ZNF211: variants seen among roughly 807,000 people sequenced by gnomAD.
ZNF211 encodes the protein zinc finger protein C2H2-25.
ZNF211 carries 18 observed loss-of-function variants against 12.1 expected under a neutral mutation model. The ratio of observed to expected loss-of-function variants is 1.48; its 90% confidence interval spans 1.03 to 2.20. The LOEUF is 2.20. Ranked by LOEUF, ZNF211 falls within the 30% of genes most tolerant of loss-of-function variation. ZNF211 has a pLI of 0.00. For synonymous variants in ZNF211, 249 were observed against 246.0 expected (o/e 1.01, Z -0.11); for missense variants, 677 against 703.1 (o/e 0.96, Z 0.42).
At chr19:57,633,699 A>C in intron 1 of ZNF211, 1 of 1,533,734 alleles carries the variant, frequency 6.5e-7, no homozygotes, top group Non-Finnish European at 8.7e-7. Context: ...AGAGAGATCT[A>C]CCTTTATTCT....
rs150396049 is a variant in ZNF211 at position 57,642,052 on chromosome 19, T to C, written c.1605T>C (p.Ser535=). 4,676 of 1,614,120 alleles carry C rather than the reference T, an allele frequency of 2.9e-3. 12 individuals are homozygous for C. The highest frequency in any genetic ancestry group is 3.6e-3 in the Non-Finnish European group (4,227 of 1,179,986). ...GTGGGAAATCCTTTAGCCAAAGTTC[T>C]AGCCTCATTCAACACCGCAGAGTTC... ...SECGKSFSQS[S]SLIQHRRVHT... The change falls in exon 4 of 4, where the codon TCT becomes TCC. Residue 535 remains serine (S), a synonymous_variant. Transcript: ENST00000240731.
chr19:57,635,018 C>A (rs117686837), intron 3 of ZNF211: 8 of 959,236 alleles, frequency 8.3e-6, no homozygotes, highest in Non-Finnish European at 9.9e-6. Flanking sequence ...TGGTGACTTT[C>A]TAGATCTATG....
intron 3 of ZNF211, among the ~76,000 whole-genome samples, chr19:57,635,951 C>G (rs1339057258): frequency 6.6e-6 from 1 of 152,162 alleles, no homozygotes; most frequent in Non-Finnish European, 1.5e-5. Context: ...TGATATCTCA[C>G]TGTGGTTGTG....
At chr19:57,640,575 C>G (rs746626815) in intron 3 of ZNF211, 129 bp from the exon 4 acceptor site, 6 of 1,217,846 alleles carry the variant, frequency 4.9e-6, no homozygotes, top group Non-Finnish European at 6.7e-6. Flanking sequence ...CAACCTGACC[C>G]CCCAACTCAC....
chr19:57,642,851 T>G lies in ZNF211; in HGVS notation c.*670T>G, dbSNP rs1450168045. 2.6e-5 allele frequency: 4 copies of G among 152,220 alleles called. No homozygotes were observed. The East Asian group carries it at 7.7e-4, about 29-fold the overall frequency. 9.4% of individuals were successfully genotyped at this position (152,220 alleles called of 1,614,324 possible). A position where few individuals can be genotyped will look rare whatever the true frequency, so the allele number is the denominator to read the frequency against. ...TGCCAGCTTTACAGAGTAAACACCT[T>G]TGGAGGGAGAGGGAGGTGTCATATG... On this transcript the variant is annotated 3_prime_UTR_variant, in exon 4 of 4. Transcript: ENST00000240731.
At chr19:57,639,782 A>C in intron 3 of ZNF211, 1 of 1,019,406 alleles carries the variant, frequency 9.8e-7, no homozygotes, top group Non-Finnish European at 1.4e-6. Flanking sequence ...GATTACATTT[A>C]ACATCCTAAA....
chr19:57,633,460 TC>T (rs1210276050), intron 1 of ZNF211, 24 bp downstream of exon 1: 6 of 1,574,466 alleles, frequency 3.8e-6, no homozygotes, highest in South Asian at 1.2e-5. Flanking sequence ...TCTCCGGGCC[TC>T]CCCCGGCCGA....
chr19:57,635,649 A>G (rs1198053229), intron 3 of ZNF211, among the ~76,000 whole-genome samples: 2 of 152,182 alleles, frequency 1.3e-5, no homozygotes, highest in East Asian at 1.9e-4. Flanking sequence ...CAGTGGACAC[A>G]GGTTGTTTTC....
Position 57,642,215 on chromosome 19 carries a change from A to G in ZNF211, c.*34A>G. The stretch of plus-strand genomic sequence containing the variant: ...AGAATATGCAATTTCCTTTTAGTGT[A>G]ATTATACTGAAGGAGTACACCTGTG... On this transcript the variant is annotated 3_prime_UTR_variant, in exon 4 of 4. Coordinates refer to ENST00000240731, the MANE Select transcript of ZNF211 (RefSeq NM_006385.5). The G allele has an allele frequency of 6.4e-7, 1 of 1,552,218 alleles. No individual in the cohort carries two copies. The highest frequency in any genetic ancestry group is 1.2e-5 in the South Asian group (1 of 81,020).
Position 57,636,029 on chromosome 19 carries a change from T to C in ZNF211, c.256+1274T>C, listed in dbSNP as rs779384224. Among the ~76,000 whole-genome samples the C allele has an allele frequency of 2.6e-5, 4 of 152,354 alleles. No homozygotes were observed. In the South Asian group the frequency reaches 8.3e-4, roughly 32 times the overall value. On this transcript the variant is annotated intron_variant, in intron 3 of 3. Transcript: ENST00000240731. ...TGGCTATTTGTATATCTTCAAATGA[T>C]ATTGCTTATTCAAGTCCTTTGCCTA...
chr19:57,640,739 T>A lies in ZNF211; in HGVS notation c.292T>A (p.Ser98Thr), dbSNP rs775564060. Residue 98 changes from serine (S) to threonine (T), a missense_variant, in exon 4 of 4, where the codon TCT (serine) becomes ACT (threonine). Ser to Thr is a moderately conservative substitution (Grantham distance 58, BLOSUM62 1). Transcript: ENST00000240731. ...TGGAGTGGAACATGAGGAAACACCT[T>A]CTGAACAGAGAATTTCTGGAGAAAG... ...WCGVEHEETP[S>T]EQRISGERVP... 10 of 1,614,122 alleles carry A rather than the reference T, an allele frequency of 6.2e-6. No individual in the cohort carries two copies. Among genetic ancestry groups the A allele is most frequent in the Non-Finnish European group, 6.8e-6 (8 of 1,180,042 alleles).
chr19:57,641,293 A>G lies in ZNF211; in HGVS notation c.846A>G (p.Arg282=). 6.2e-7 allele frequency: 1 copy of G among 1,614,208 alleles called. No individual in the cohort carries two copies. Residue 282 remains arginine, a synonymous_variant, in exon 4 of 4, where the codon AGA becomes AGG. Coordinates refer to ENST00000240731, the MANE Select transcript of ZNF211 (RefSeq NM_006385.5). ...AATGTGGGAAAGCATGTACGCGAAGATGTAACCTCATTCAGCACCAGAAAG... is the reference window on the plus strand; with the variant it reads ...AATGTGGGAAAGCATGTACGCGAAGGTGTAACCTCATTCAGCACCAGAAAG... ...CSKCGKACTR[R]CNLIQHQKVH...
Position 57,634,706 on chromosome 19 carries a change from C to T in ZNF211, c.207C>T (p.His69=), listed in dbSNP as rs1981913901. 13 of 1,608,192 alleles carry T rather than the reference C, an allele frequency of 8.1e-6. No homozygotes were observed. Among genetic ancestry groups the T allele is most frequent in the Middle Eastern group, 3.3e-4 (2 of 6,056 alleles). ...EWDLLDEAQK[H]LYFDVMLENF... is the part of the protein sequence containing the mutation. The stretch of plus-strand genomic sequence containing the variant: ...ATCTCCTTGATGAGGCTCAGAAACA[C>T]CTGTACTTCGATGTGATGCTGGAGA... The change falls in exon 3 of 4, where the codon CAC becomes CAT. Residue 69 remains histidine, a synonymous_variant. Coordinates refer to ENST00000240731, the MANE Select transcript of ZNF211 (RefSeq NM_006385.5).
At position 57,640,984 on chromosome 19, in the gene ZNF211, T is replaced by C. The variant is rs757305164; in HGVS notation, c.537T>C (p.Tyr179=). Residue 179 remains tyrosine, a synonymous_variant, in exon 4 of 4, where the codon TAT becomes TAC. Coordinates refer to ENST00000240731, the MANE Select transcript of ZNF211 (RefSeq NM_006385.5). ...TTACAGAGGCACCTTTCAGAAGTTA[T>C]GTGGACACTGCCTCGTTTACACAGA... ...QHITEAPFRS[Y]VDTASFTQSC... is the part of the protein sequence containing the mutation. 6 of 1,614,126 alleles carry C rather than the reference T, an allele frequency of 3.7e-6. No individual in the cohort carries two copies. In the African/African-American group the frequency reaches 6.7e-5, roughly 18 times the overall value.
Position 57,641,869 on chromosome 19 carries a change from C to A in ZNF211, c.1422C>A (p.Ser474=). 6.2e-7 allele frequency: 1 copy of A among 1,613,798 alleles called. No individual in the cohort carries two copies. The highest frequency in any genetic ancestry group is 8.5e-7 in the Non-Finnish European group (1 of 1,179,952). ...RPYVCGECGK[S]FSHSSNLKNH... is the part of the protein sequence containing the mutation. ...ATGTGTGTGGGGAATGTGGGAAATCCTTTAGCCATAGCTCCAACCTTAAGA... is the reference window on the plus strand; with the variant it reads ...ATGTGTGTGGGGAATGTGGGAAATCATTTAGCCATAGCTCCAACCTTAAGA... The change falls in exon 4 of 4, where the codon TCC becomes TCA. Residue 474 remains serine, a synonymous_variant. Transcript: ENST00000240731.
rs754604595 is a variant in ZNF211, at chr19:57,634,631, A to C, written c.132A>C (p.Gly44=). 1 of 1,581,588 alleles carries C rather than the reference A, an allele frequency of 6.3e-7. No individual in the cohort carries two copies. The highest frequency in any genetic ancestry group is 8.6e-7 in the Non-Finnish European group (1 of 1,163,692). ...TTCATCAATCCCTATTATGCTAGGG[A>C]AGTGTGACCTTTGAAGATGTGGCCG... ...ATEVLFKLTQ[G]SVTFEDVAVY... Residue 44 remains glycine, a splice_region_variant and synonymous_variant, in exon 3 of 4, where the codon GGA becomes GGC. Coordinates refer to ENST00000240731, the MANE Select transcript of ZNF211 (RefSeq NM_006385.5).
In ZNF211 at chr19:57,641,877, A is replaced by G; in HGVS notation, c.1430A>G (p.His477Arg). 1 of 1,614,182 alleles carries G rather than the reference A, an allele frequency of 6.2e-7. No individual in the cohort carries two copies. The highest frequency in any genetic ancestry group is 8.5e-7 in the Non-Finnish European group (1 of 1,180,034). The change falls in exon 4 of 4, where the codon CAT becomes CGT. Residue 477 changes from histidine to arginine, a missense_variant. His to Arg is a conservative substitution (Grantham distance 29). Transcript: ENST00000240731. ...VCGECGKSFS[H>R]SSNLKNHQRV... The stretch of plus-strand genomic sequence containing the variant: ...GGGGAATGTGGGAAATCCTTTAGCC[A>G]TAGCTCCAACCTTAAGAACCACCAG...
intron 3 of ZNF211, among the ~76,000 whole-genome samples, chr19:57,639,386 C>CTTAATT (rs149808523): frequency 0.13 from 9,441 of 74,398 alleles, 1,371 homozygotes; most frequent in East Asian, 0.26. Flanking sequence ...AGTGAAACTT[C>CTTAATT]CCTTGTCATT....
chr19:57,635,011 T>G, intron 3 of ZNF211: 9 of 973,214 alleles, frequency 9.2e-6, no homozygotes, highest in Non-Finnish European at 1.1e-5. Context: ...CCCTGTCTGG[T>G]GACTTTCTAG....
Sources: gnomAD v4.1 joint callset for allele counts (sites outside exome capture counted in the v4.1 genomes callset) on GRCh38, gnomAD v4.1.1 for gene constraint, MANE v1.5 for transcripts, NCBI Gene and HGNC (gene_info 2026-07-23, HGNC 2026-07-21) for gene names.